The following DTWD1 variants were observed in gnomAD, a reference collection of about 807,000 sequenced individuals.
The protein encoded by DTWD1 is DTW motif tRNA-uridine aminocarboxypropyltransferase 1, also known as tRNA-uridine aminocarboxypropyltransferase 1.
In DTWD1, 27 loss-of-function variants were observed where a neutral mutation model predicts 30.2. That is an observed-to-expected ratio of 0.90 (90% CI 0.66 to 1.23). The LOEUF (loss-of-function observed/expected upper bound fraction) is 1.23. DTWD1 is among the 50% of genes most tolerant of loss of function. DTWD1 has a pLI of 0.00. For synonymous variants in DTWD1, 99 were observed against 113.1 expected, an observed-to-expected ratio of 0.88 and a Z score of 0.79; for missense variants, 342 against 348.8, an observed-to-expected ratio of 0.98 and a Z score of 0.15.
chr15:49,634,409 A>G (rs562733453), intron 3 of DTWD1, 127 bp from the exon 4 acceptor site: 3 of 1,088,422 alleles, frequency 2.8e-6, no homozygotes, highest in African/African-American at 3.2e-5. Flanking sequence ...ACCATATACA[A>G]TAGAACCAAC....
intron 1 of DTWD1, among the ~76,000 whole-genome samples, chr15:49,624,324 T>C (rs2078810086): frequency 6.6e-6 from 1 of 152,188 alleles, no homozygotes; most frequent in Admixed American, 6.5e-5. Flanking sequence ...ATCGAATCAA[T>C]AGGGCACCAG....
intron 2 of DTWD1, among the ~76,000 whole-genome samples, chr15:49,631,309 A>G (rs1207860464): frequency 1.3e-5 from 2 of 152,140 alleles, no homozygotes; most frequent in African/African-American, 4.8e-5. Flanking sequence ...CTATTTTTTA[A>G]TTGATAATTA....
At position 49,656,218 on chromosome 15, in the gene DTWD1, C is replaced by A. The variant is rs1024000500; in HGVS notation, c.*12640C>A. 3.9e-5 allele frequency: 6 copies of A among 151,960 alleles called. No individual in the cohort carries two copies. Among genetic ancestry groups the A allele is most frequent in the African/African-American group, 1.4e-4 (6 of 41,414 alleles). 9.4% of individuals were successfully genotyped at this position (151,960 alleles called of 1,614,324 possible). On this transcript the variant is annotated 3_prime_UTR_variant, in exon 5 of 5. Transcript: ENST00000403028. ...CTTTGCTGTAAATTAAATAAAAATTCAAATATTTGTAAAAGAATATTTCTT... is the reference window on the plus strand; with the variant it reads ...CTTTGCTGTAAATTAAATAAAAATTAAAATATTTGTAAAAGAATATTTCTT...
At chr15:49,635,158 C>T (rs1227949269) in intron 4 of DTWD1, among the ~76,000 whole-genome samples, 2 of 152,090 alleles carry the variant, frequency 1.3e-5, no homozygotes, top group Non-Finnish European at 2.9e-5. Flanking sequence ...CCTCAGCCTC[C>T]CAGGTAGCTG....
chr15:49,622,153 A>C lies in DTWD1; in HGVS notation c.-56+1031A>C, dbSNP rs78357010. 4.4e-3 allele frequency among the ~76,000 whole-genome samples: 677 copies of C among 152,272 alleles called. 4 individuals are homozygous for C. Among genetic ancestry groups the C allele is most frequent in the Admixed American group, 9.7e-3 (149 of 15,294 alleles). ...CAGAATGGTTTTGATTTAGTTAACA[A>C]GTGTTTGTTGAGTTCCTGCTGTTGC... On this transcript the variant is annotated intron_variant, in intron 1 of 4. Transcript: ENST00000403028.
At chr15:49,632,092 C>T (rs2078928126) in intron 2 of DTWD1, 67 bp from the exon 3 acceptor site, 1 of 1,331,258 alleles carries the variant, frequency 7.5e-7, no homozygotes, top group Non-Finnish European at 1.0e-6. Context: ...GCTTTAAAGA[C>T]CCTTTTTATT....
Position 49,656,162 on chromosome 15 carries a change from T to C in DTWD1, c.*12584T>C, listed in dbSNP as rs1327073621. ...TAGCTCAAGAAATACTTTATGTTTG[T>C]CCTATATGAAAGTGTTGATTGCACC... On this transcript the variant is annotated 3_prime_UTR_variant, in exon 5 of 5. Transcript: ENST00000403028. 1 of 152,076 alleles carries C rather than the reference T, an allele frequency of 6.6e-6. No individual in the cohort carries two copies. The highest frequency in any genetic ancestry group is 2.4e-5 in the African/African-American group (1 of 41,438). The allele number at this position is 152,076 out of a possible 1,614,324, so 9.4% of individuals were successfully genotyped here.
rs1023425779 is a variant in DTWD1, at chr15:49,648,332, A to T, written c.*4754A>T. On this transcript the variant is annotated 3_prime_UTR_variant, in exon 5 of 5. Coordinates refer to ENST00000403028, the MANE Select transcript of DTWD1 (RefSeq NM_001144955.2). Reference sequence around the variant, plus strand: ...TTATTCATTTTTGAGACAGAGTCTCACTCTTGTCTCCCAGGCTGCAGTGCA... The same window carrying T: ...TTATTCATTTTTGAGACAGAGTCTCTCTCTTGTCTCCCAGGCTGCAGTGCA... The T allele has an allele frequency of 1.2e-4, 18 of 152,106 alleles. No homozygotes were observed. The highest frequency in any genetic ancestry group is 3.9e-4 in the African/African-American group (16 of 41,392). The allele number at this position is 152,106 out of a possible 1,614,324, so 9.4% of individuals were successfully genotyped here.
rs1951185199 is a variant in DTWD1, at chr15:49,652,924, C to T, written c.*9346C>T. The T allele has an allele frequency of 6.6e-6, 1 of 152,128 alleles. No individual in the cohort carries two copies. The highest frequency in any genetic ancestry group is 6.6e-5 in the Admixed American group (1 of 15,266). The allele number at this position is 152,128 out of a possible 1,614,324, so 9.4% of individuals were successfully genotyped here. On this transcript the variant is annotated 3_prime_UTR_variant, in exon 5 of 5. Coordinates refer to ENST00000403028, the MANE Select transcript of DTWD1 (RefSeq NM_001144955.2). ...ACTGTGCTTGAGGTCATACCCTTCC[C>T]ATGTCTGGTGACTGAAGTCCAGCTG...
chr15:49,635,450 G>A (rs1226371821), intron 4 of DTWD1, among the ~76,000 whole-genome samples: 7 of 150,974 alleles, frequency 4.6e-5, no homozygotes, highest in African/African-American at 9.8e-5. Flanking sequence ...CTTCTATTTT[G>A]TTTTTTTTGT....
intron 1 of DTWD1, among the ~76,000 whole-genome samples, chr15:49,621,912 T>A (rs1445145586): frequency 6.6e-6 from 1 of 152,210 alleles, no homozygotes; most frequent in African/African-American, 2.4e-5. Context: ...GGTTTTTTTC[T>A]AATACTGAAT....
chr15:49,625,062 A>G (rs953321988), intron 1 of DTWD1, 51 bp from the exon 2 acceptor site: 3 of 1,144,720 alleles, frequency 2.6e-6, no homozygotes, highest in African/African-American at 3.1e-5. Context: ...TAGACTGAGT[A>G]AAATGTTTTC....
chr15:49,643,637 G>A lies in DTWD1; in HGVS notation c.*59G>A. The stretch of plus-strand genomic sequence containing the variant: ...CTAACATTAATAAACTTATATTTGT[G>A]CTTTGTTTTTTCTTAAGAAATAATC... On this transcript the variant is annotated 3_prime_UTR_variant, in exon 5 of 5. Coordinates refer to ENST00000403028, the MANE Select transcript of DTWD1 (RefSeq NM_001144955.2). 2.0e-6 allele frequency: 3 copies of A among 1,491,888 alleles called. No individual in the cohort carries two copies. Among genetic ancestry groups the A allele is most frequent in the South Asian group, 1.4e-5 (1 of 73,064 alleles). The allele number at this position is 1,491,888 out of a possible 1,614,324, so 92.4% of individuals were successfully genotyped here.
intron 4 of DTWD1, among the ~76,000 whole-genome samples, chr15:49,638,134 T>G (rs1440397773): frequency 6.6e-6 from 1 of 152,212 alleles, no homozygotes; most frequent in African/African-American, 2.4e-5. Flanking sequence ...TGAAGATTTT[T>G]CTGAGCCATT....
rs1401974858 is a variant in DTWD1 at position 49,647,100 on chromosome 15, A to G, written c.*3522A>G. ...CTAACTAGGTCAGCCGGAGATTCTC[A>G]AAGTACTCATGACTTCATTTGTAGA... On this transcript the variant is annotated 3_prime_UTR_variant, in exon 5 of 5. Coordinates refer to ENST00000403028, the MANE Select transcript of DTWD1 (RefSeq NM_001144955.2). The G allele has an allele frequency of 6.6e-6, 1 of 152,194 alleles. No homozygotes were observed. The highest frequency in any genetic ancestry group is 1.5e-5 in the Non-Finnish European group (1 of 68,032). The allele number at this position is 152,194 out of a possible 1,614,324, so 9.4% of individuals were successfully genotyped here.
At chr15:49,624,867 T>A (rs1352998197) in intron 1 of DTWD1, among the ~76,000 whole-genome samples, 1 of 152,156 alleles carries the variant, frequency 6.6e-6, no homozygotes, top group Non-Finnish European at 1.5e-5. Context: ...AAAACTGCCA[T>A]CTCTGGAACA....
Position 49,646,900 on chromosome 15 carries a change from T to G in DTWD1, c.*3322T>G, listed in dbSNP as rs997141338. The G allele has an allele frequency of 5.9e-5, 9 of 152,182 alleles. No homozygotes were observed. The highest frequency in any genetic ancestry group is 2.2e-4 in the African/African-American group (9 of 41,440). 9.4% of individuals were successfully genotyped at this position (152,182 alleles called of 1,614,324 possible). ...TGGATATATTTCCTTTAGGGTCTCT[T>G]TTTCTAGGGAAGTCAGGTGTTTTAG... is the stretch of plus-strand genomic sequence containing the variant. On this transcript the variant is annotated 3_prime_UTR_variant, in exon 5 of 5. Transcript: ENST00000403028.
At chr15:49,642,333 G>A (rs2079075145) in intron 4 of DTWD1, among the ~76,000 whole-genome samples, 1 of 152,142 alleles carries the variant, frequency 6.6e-6, no homozygotes, top group African/African-American at 2.4e-5. Context: ...TTCTGGGTTT[G>A]TATGAAGACA....
At position 49,652,483 on chromosome 15, in the gene DTWD1, G is replaced by C. The variant is rs982309865; in HGVS notation, c.*8905G>C. Reference sequence around the variant, plus strand: ...AAGGGCATGATGGCCTGGAACTCAGGCCTCTCAAGGAATGTGGGTCTGAAT... The same window carrying C: ...AAGGGCATGATGGCCTGGAACTCAGCCCTCTCAAGGAATGTGGGTCTGAAT... On this transcript the variant is annotated 3_prime_UTR_variant, in exon 5 of 5. Coordinates refer to ENST00000403028, the MANE Select transcript of DTWD1 (RefSeq NM_001144955.2). The C allele has an allele frequency of 1.3e-5, 2 of 152,158 alleles. No individual in the cohort carries two copies. The highest frequency in any genetic ancestry group is 2.9e-5 in the Non-Finnish European group (2 of 68,038). The allele number at this position is 152,158 out of a possible 1,614,324, so 9.4% of individuals were successfully genotyped here.
Sources: gnomAD v4.1 joint callset for allele counts (sites outside exome capture counted in the v4.1 genomes callset) on GRCh38, gnomAD v4.1.1 for gene constraint, MANE v1.5 for transcripts, NCBI Gene and HGNC (gene_info 2026-07-23, HGNC 2026-07-21) for gene names.